Variants in MEF2C observed in about 807,000 individuals in gnomAD.
MEF2C encodes the protein myocyte enhancer factor 2C.
In MEF2C, 6 loss-of-function variants were observed where a neutral mutation model predicts 50.5. The ratio of observed to expected loss-of-function variants is 0.12; its 90% CI spans 0.07 to 0.23. The LOEUF (loss-of-function observed/expected upper bound fraction) is 0.23. MEF2C is among the 10% of genes least tolerant of loss of function. MEF2C has a pLI of 1.00. For synonymous variants in MEF2C, 183 were observed against 228.0 expected, an observed-to-expected ratio of 0.80 and a Z score of 1.78; for missense variants, 276 against 605.0, an observed-to-expected ratio of 0.46 and a Z score of 5.70.
intron 1 of MEF2C, chr5:88,843,585 G>A (rs1818213988): frequency 2.5e-6 from 1 of 404,910 alleles, no homozygotes; most frequent in Non-Finnish European, 3.3e-6. Context: ...AGTGAGAGGT[G>A]TTAACTATGT....
At chr5:88,876,063 GTTTTTT>G (rs33921751) in intron 1 of MEF2C, among the ~76,000 whole-genome samples, 2 of 122,610 alleles carry the variant, frequency 1.6e-5, no homozygotes, top group Non-Finnish European at 3.4e-5. Context: ...AGTAACTGGA[GTTTTTT>G]TTTTTTTTTT....
chr5:88,799,985 C>T (rs1797710412), intron 3 of MEF2C, among the ~76,000 whole-genome samples: 1 of 151,642 alleles, frequency 6.6e-6, no homozygotes, highest in Non-Finnish European at 1.5e-5. Context: ...AGTTGTGAAT[C>T]AAAGGTTTCT....
intron 3 of MEF2C, among the ~76,000 whole-genome samples, chr5:88,767,088 C>G (rs901346078): frequency 6.6e-6 from 1 of 152,198 alleles, no homozygotes; most frequent in African/African-American, 2.4e-5. Context: ...GCTGCTGTTT[C>G]CTGACCCTTT....
intron 3 of MEF2C, among the ~76,000 whole-genome samples, chr5:88,794,079 A>C (rs1481433755): frequency 6.6e-6 from 1 of 152,130 alleles, no homozygotes; most frequent in Non-Finnish European, 1.5e-5. Context: ...AGTCTTTGCT[A>C]TTGTGAATAG....
chr5:88,843,489 T>G (rs1235838257), intron 1 of MEF2C: 3 of 984,484 alleles, frequency 3.0e-6, no homozygotes, highest in East Asian at 2.3e-4. Flanking sequence ...GTTACACAAT[T>G]ACATTTAAAC....
chr5:88,760,963 C>G (rs752812753), intron 4 of MEF2C: 1 of 1,595,128 alleles, frequency 6.3e-7, no homozygotes, highest in East Asian at 2.2e-5. Context: ...TATCAGCAGA[C>G]CAGCCATCTA....
intron 4 of MEF2C, among the ~76,000 whole-genome samples, chr5:88,754,325 C>A (rs1462086876): frequency 6.6e-6 from 1 of 152,204 alleles, no homozygotes; most frequent in Non-Finnish European, 1.5e-5. Context: ...GTACTTTTCC[C>A]CTCCACTTAC....
intron 4 of MEF2C, among the ~76,000 whole-genome samples, chr5:88,758,710 G>A (rs1776472807): frequency 6.6e-6 from 1 of 152,272 alleles, no homozygotes; most frequent in Admixed American, 6.5e-5. Flanking sequence ...TTTTCATCGT[G>A]AAGACTGAAG....
intron 6 of MEF2C, chr5:88,735,852 T>C (rs1427466594): frequency 2.3e-5 from 23 of 985,346 alleles, no homozygotes; most frequent in Non-Finnish European, 2.8e-5. Context: ...CTTGAACATG[T>C]AGCTCTCTTT....
At chr5:88,756,266 A>G (rs1351390781) in intron 4 of MEF2C, among the ~76,000 whole-genome samples, 2 of 152,126 alleles carry the variant, frequency 1.3e-5, no homozygotes, top group Non-Finnish European at 2.9e-5. Flanking sequence ...AATAGTGAAC[A>G]TTGTACCTAA....
At chr5:88,724,328 A>G (rs1437489503) in intron 10 of MEF2C, among the ~76,000 whole-genome samples, 1 of 152,104 alleles carries the variant, frequency 6.6e-6, no homozygotes, top group African/African-American at 2.4e-5. Flanking sequence ...TGCAATACAA[A>G]CTCAAGATGT....
At chr5:88,893,588 ATATTT>A (rs1834822814) in intron 1 of MEF2C, among the ~76,000 whole-genome samples, 1 of 152,026 alleles carries the variant, frequency 6.6e-6, no homozygotes, top group Non-Finnish European at 1.5e-5. Flanking sequence ...TATTTATAAA[ATATTT>A]TATTTATAAT....
intron 1 of MEF2C, among the ~76,000 whole-genome samples, chr5:88,831,392 C>T (rs889593310): frequency 1.3e-5 from 2 of 151,422 alleles, no homozygotes; most frequent in Non-Finnish European, 2.9e-5. Flanking sequence ...TCAGTAAAAG[C>T]TTTATTTTAC....
At chr5:88,780,947 T>C (rs1399668785) in intron 3 of MEF2C, 1 of 985,080 alleles carries the variant, frequency 1.0e-6, no homozygotes, top group African/African-American at 1.7e-5. Flanking sequence ...AAATAAATTA[T>C]ATCCTAATGC....
intron 2 of MEF2C, chr5:88,817,940 AG>A (rs1806281766): frequency 6.6e-6 from 1 of 151,982 alleles, no homozygotes; most frequent in African/African-American, 2.4e-5. Flanking sequence ...TATTGTTTGT[AG>A]AAAGAGTCAT....
At chr5:88,853,458 T>A (rs1003602909) in intron 1 of MEF2C, among the ~76,000 whole-genome samples, 1 of 152,184 alleles carries the variant, frequency 6.6e-6, no homozygotes, top group African/African-American at 2.4e-5. Flanking sequence ...TGAAACAGTA[T>A]AAAGTCACTA....
At chr5:88,809,008 A>G (rs1244423188) in intron 2 of MEF2C, among the ~76,000 whole-genome samples, 2 of 152,142 alleles carry the variant, frequency 1.3e-5, no homozygotes, top group African/African-American at 2.4e-5. Context: ...ATAAGTCAAC[A>G]TGTTATCAAA....
At chr5:88,864,298 C>A (rs1826520752) in intron 1 of MEF2C, among the ~76,000 whole-genome samples, 1 of 151,448 alleles carries the variant, frequency 6.6e-6, no homozygotes, top group East Asian at 1.9e-4. Flanking sequence ...ATCACATGTA[C>A]CCTATCAATA....
intron 3 of MEF2C, among the ~76,000 whole-genome samples, chr5:88,798,249 T>C (rs577647551): frequency 3.9e-5 from 6 of 152,200 alleles, no homozygotes; most frequent in Admixed American, 3.9e-4. Context: ...CTTGGTTCCA[T>C]TCTCCCCATC....
Sources: allele counts gnomAD v4.1 joint callset (sites outside exome capture counted in the v4.1 genomes callset), GRCh38; gene constraint gnomAD v4.1.1; transcripts MANE v1.5; gene names NCBI Gene and HGNC (gene_info 2026-07-23, HGNC 2026-07-21).